Variants in UNC80 observed in about 807,000 individuals in gnomAD.
The protein encoded by UNC80 is protein unc-80 homolog.
UNC80 carries 164 observed loss-of-function variants against 384.6 expected under a neutral mutation model. That is an observed-to-expected ratio of 0.43 (90% CI 0.38 to 0.49). UNC80 has a LOEUF of 0.49. Among genes scored for constraint, UNC80 ranks in the 20% least tolerant of loss-of-function variants. The probability of loss-of-function intolerance (pLI) is 0.00; values close to 1 mark genes in which losing one functional copy is unlikely to be tolerated. For missense variants in UNC80, 3,330 were observed against 4,143.0 expected (o/e 0.80, Z 5.39); for synonymous variants, 1,486 against 1,527.8 (o/e 0.97, Z 0.64).
chr2:209,817,386 T>C (rs1238787209), intron 10 of UNC80, among the ~76,000 whole-genome samples: 1 of 152,066 alleles, frequency 6.6e-6, no homozygotes, highest in Non-Finnish European at 1.5e-5. Context: ...CAAAGAAACA[T>C]GGCCTTAGGG....
chr2:209,981,248 G>A (rs1007311231), intron 59 of UNC80, among the ~76,000 whole-genome samples: 2 of 152,202 alleles, frequency 1.3e-5, no homozygotes, highest in Non-Finnish European at 2.9e-5. Flanking sequence ...TAGATACTGT[G>A]CTAAAGTTAA....
chr2:209,839,886 T>G lies in UNC80; in HGVS notation c.3250+456T>G, dbSNP rs2081611793. ...GGTAGTGGCATTAAGATCTCCGGGA[T>G]ACTTGGGAGAAGGAAGGAGAGCACT... On this transcript the variant is annotated intron_variant, in intron 19 of 64. Coordinates refer to ENST00000673920, the MANE Select transcript of UNC80 (RefSeq NM_001371986.1). This position sits in a 1 kb window ranked among gnomAD's most constrained non-coding sequence, Gnocchi z 4.1. Among the ~76,000 whole-genome samples, 1 of 152,134 alleles carries G rather than the reference T, an allele frequency of 6.6e-6. No individual in the cohort carries two copies. Among genetic ancestry groups the G allele is most frequent in the South Asian group, 2.1e-4 (1 of 4,824 alleles).
chr2:209,781,875 C>T (rs898929979), intron 4 of UNC80, among the ~76,000 whole-genome samples: 1 of 152,160 alleles, frequency 6.6e-6, no homozygotes. Flanking sequence ...CTGTAATGAG[C>T]CCCGTCCCTA....
At chr2:209,890,709 C>T (rs2086250742) in intron 26 of UNC80, among the ~76,000 whole-genome samples, 1 of 152,202 alleles carries the variant, frequency 6.6e-6, no homozygotes. Flanking sequence ...TTAACACCTA[C>T]TGCATTGCGA....
At chr2:209,823,236 A>G (rs1446862647) in intron 13 of UNC80, among the ~76,000 whole-genome samples, 4 of 152,204 alleles carry the variant, frequency 2.6e-5, no homozygotes. Context: ...AATGTCTCCT[A>G]TGAAAGCAAC....
Position 209,826,821 on chromosome 2 carries a change from A to C in UNC80, c.2478+768A>C, listed in dbSNP as rs552969236. Among the ~76,000 whole-genome samples, 265 of 151,922 alleles carry C rather than the reference A, an allele frequency of 1.7e-3. 1 individual carries two copies. Among genetic ancestry groups the C allele is most frequent in the Non-Finnish European group, 2.8e-3 (189 of 67,990 alleles). On this transcript the variant is annotated intron_variant, in intron 14 of 64. Coordinates refer to ENST00000673920, the MANE Select transcript of UNC80 (RefSeq NM_001371986.1). Reference sequence around the variant, plus strand: ...CGAAAATATTCTCTTAAAAAAAAGGAGTTTGATGCAAAGTTGAGTTCCAGA... The same window carrying C: ...CGAAAATATTCTCTTAAAAAAAAGGCGTTTGATGCAAAGTTGAGTTCCAGA...
chr2:209,785,082 G>T (rs2077350787), intron 4 of UNC80, among the ~76,000 whole-genome samples: 1 of 152,160 alleles, frequency 6.6e-6, no homozygotes, highest in South Asian at 2.1e-4. Context: ...AATCTCTCAG[G>T]ATTCTAATTT....
intron 13 of UNC80, 73 bp downstream of exon 13, chr2:209,820,752 A>G: frequency 6.9e-7 from 1 of 1,451,104 alleles, no homozygotes; most frequent in Non-Finnish European, 9.1e-7. Flanking sequence ...GCTTGCCAGC[A>G]GTTTATTGAA....
chr2:209,836,307 A>G (rs545045045), intron 18 of UNC80, among the ~76,000 whole-genome samples: 1 of 152,202 alleles, frequency 6.6e-6, no homozygotes, highest in Non-Finnish European at 1.5e-5. Context: ...GACTAGTTAA[A>G]AGGCTTTATA....
At chr2:209,961,980 A>G (rs954230683) in intron 51 of UNC80, among the ~76,000 whole-genome samples, 4 of 152,164 alleles carry the variant, frequency 2.6e-5, no homozygotes, top group African/African-American at 9.7e-5. Flanking sequence ...ATATGACTGG[A>G]CAAAAAGGGT....
chr2:209,987,466 G>C (rs2093311748), intron 61 of UNC80, among the ~76,000 whole-genome samples: 1 of 152,172 alleles, frequency 6.6e-6, no homozygotes, highest in Non-Finnish European at 1.5e-5. Flanking sequence ...GTTGCTCTTA[G>C]AGATATAGAA....
At chr2:209,918,463 A>G in intron 32 of UNC80, 69 bp from the exon 33 acceptor site, 2 of 1,472,068 alleles carry the variant, frequency 1.4e-6, no homozygotes, top group Admixed American at 2.1e-5. Flanking sequence ...AGATTGTGTC[A>G]TCATTATACT....
intron 47 of UNC80, among the ~76,000 whole-genome samples, chr2:209,953,644 C>CAT (rs1211052709): frequency 1.3e-5 from 2 of 152,046 alleles, no homozygotes; most frequent in East Asian, 3.9e-4. Flanking sequence ...CTGTTTCCAA[C>CAT]ATTTGTTGCT....
intron 7 of UNC80, chr2:209,809,107 C>T: frequency 1.9e-6 from 1 of 539,712 alleles, no homozygotes; most frequent in Non-Finnish European, 3.4e-6. Context: ...CCCACGTTCA[C>T]AGCCTTCTTC....
chr2:209,892,462 A>T (rs1245208512), intron 26 of UNC80, among the ~76,000 whole-genome samples: 3 of 152,198 alleles, frequency 2.0e-5, no homozygotes, highest in Non-Finnish European at 4.4e-5. Flanking sequence ...CTTGTAAATA[A>T]CCAGTGCCAT....
chr2:209,915,782 C>T (rs2089468916), intron 31 of UNC80, among the ~76,000 whole-genome samples: 1 of 152,132 alleles, frequency 6.6e-6, no homozygotes, highest in African/African-American at 2.4e-5. Flanking sequence ...CCTACAGTTA[C>T]ATAAAAGGAA....
intron 24 of UNC80, 98 bp from the exon 25 acceptor site, chr2:209,880,863 A>G (rs575048071): frequency 1.7e-6 from 2 of 1,192,860 alleles, no homozygotes; most frequent in African/African-American, 1.5e-5. Context: ...CTCATATGCA[A>G]TTTGATTCTA....
At chr2:209,832,688 A>G (rs944309637) in intron 16 of UNC80, among the ~76,000 whole-genome samples, 6 of 152,200 alleles carry the variant, frequency 3.9e-5, no homozygotes, top group East Asian at 1.9e-4. Flanking sequence ...CATGCATACA[A>G]TTTGGTCATA....
At chr2:209,848,609 T>C (rs1214336680) in intron 21 of UNC80, among the ~76,000 whole-genome samples, 1 of 152,164 alleles carries the variant, frequency 6.6e-6, no homozygotes, top group East Asian at 1.9e-4. Context: ...ACAGACATCA[T>C]GTTATTTCAT....
Sources: allele counts gnomAD v4.1 joint callset (sites outside exome capture counted in the v4.1 genomes callset), GRCh38; gene constraint gnomAD v4.1.1; non-coding constraint Gnocchi (gnomAD v3.1); transcripts MANE v1.5; gene names NCBI Gene and HGNC (gene_info 2026-07-23, HGNC 2026-07-21).